TAF4B: variants seen among roughly 807,000 people sequenced by gnomAD.
The protein encoded by TAF4B is TATA-box binding protein associated factor 4b.
TAF4B carries 38 observed loss-of-function variants against 86.4 expected under a neutral mutation model. The ratio of observed to expected loss-of-function variants is 0.44; its 90% CI spans 0.34 to 0.58. The LOEUF (loss-of-function observed/expected upper bound fraction) is 0.58, where lower values mean the gene tolerates loss of function less well. TAF4B is among the 20% of genes least tolerant of loss of function. The pLI is 0.02. For synonymous variants in TAF4B, 388 were observed against 391.2 expected (o/e 0.99, Z 0.10); for missense variants, 988 against 1,027.6 (o/e 0.96, Z 0.53).
At chr18:26,228,495 ATTGTTATTCTGAG>A (rs938426183) in intron 1 of TAF4B, among the ~76,000 whole-genome samples, 21 of 152,136 alleles carry the variant, frequency 1.4e-4, no homozygotes, top group African/African-American at 4.8e-4. Flanking sequence ...GCAGTTCTAA[ATTGTTATTCTGAG>A]TTGTTATTCT....
intron 1 of TAF4B, among the ~76,000 whole-genome samples, chr18:26,259,685 G>T (rs1009600206): frequency 3.3e-5 from 5 of 152,094 alleles, no homozygotes; most frequent in Non-Finnish European, 7.3e-5. Flanking sequence ...GTCTATCATT[G>T]ATGGACATTT....
In TAF4B at chr18:26,346,881, ATATATATATATATATATATG is replaced by A. The variant is rs2057199818; in HGVS notation, c.2317-10807_2317-10788del. Among the ~76,000 whole-genome samples the A allele has an allele frequency of 2.5e-4, 2 of 8,020 alleles. 1 individual carries two copies. The highest frequency in any genetic ancestry group is 0.015 in the South Asian group (2 of 130). The allele number at this position is 8,020 out of a possible 152,430, so 5.3% of individuals were successfully genotyped here. On this transcript the variant is annotated intron_variant, in intron 13 of 14. Coordinates refer to ENST00000269142, the MANE Select transcript of TAF4B (RefSeq NM_005640.3). ...TATGTGTATATATATATATGTGTAT[ATATATATATATATATATATG>A]TGTGTGTATATATATATATATAGTT...
intron 1 of TAF4B, among the ~76,000 whole-genome samples, chr18:26,243,275 G>T (rs937036819): frequency 6.6e-6 from 1 of 152,016 alleles, no homozygotes; most frequent in African/African-American, 2.4e-5. Context: ...TGGAGGCTTT[G>T]TTTATTTTTT....
At chr18:26,351,191 A>G (rs995627678) in intron 13 of TAF4B, among the ~76,000 whole-genome samples, 1 of 152,230 alleles carries the variant, frequency 6.6e-6, no homozygotes, top group Non-Finnish European at 1.5e-5. Context: ...AGCCATAAAA[A>G]AGAATGAAAT....
At chr18:26,306,268 G>T (rs2056793805) in intron 9 of TAF4B, among the ~76,000 whole-genome samples, 1 of 152,116 alleles carries the variant, frequency 6.6e-6, no homozygotes, top group Admixed American at 6.6e-5. Flanking sequence ...TTTTGATGTG[G>T]TATGCAGTGA....
At chr18:26,282,286 A>G (rs1230767048) in intron 6 of TAF4B, among the ~76,000 whole-genome samples, 1 of 152,190 alleles carries the variant, frequency 6.6e-6, no homozygotes, top group Non-Finnish European at 1.5e-5. Flanking sequence ...TAAGTTCATT[A>G]TTATATTGTT....
At chr18:26,328,920 C>G (rs774649976) in intron 12 of TAF4B, among the ~76,000 whole-genome samples, 3 of 151,570 alleles carry the variant, frequency 2.0e-5, no homozygotes, top group Non-Finnish European at 2.9e-5. Context: ...CCAGCCTTAT[C>G]TGTACCCTTT....
intron 1 of TAF4B, among the ~76,000 whole-genome samples, chr18:26,251,204 T>G (rs2056001585): frequency 6.6e-6 from 1 of 152,192 alleles, no homozygotes; most frequent in Admixed American, 6.5e-5. Flanking sequence ...AGGAAGGACT[T>G]ATATTCGTGA....
At chr18:26,316,034 C>G (rs1350794239) in intron 10 of TAF4B, among the ~76,000 whole-genome samples, 1 of 152,080 alleles carries the variant, frequency 6.6e-6, no homozygotes, top group African/African-American at 2.4e-5. Flanking sequence ...GAAACCCTGT[C>G]TGTACTAAAA....
intron 3 of TAF4B, among the ~76,000 whole-genome samples, chr18:26,270,093 T>C (rs927433001): frequency 6.6e-6 from 1 of 152,128 alleles, no homozygotes; most frequent in East Asian, 1.9e-4. Context: ...TAAAAAAATA[T>C]ATTGTGGAGA....
chr18:26,340,404 G>T (rs1331006221), intron 13 of TAF4B, among the ~76,000 whole-genome samples: 1 of 152,184 alleles, frequency 6.6e-6, no homozygotes, highest in African/African-American at 2.4e-5. Context: ...AGGGACAAAT[G>T]AAACTTGTCA....
At chr18:26,306,342 GTAAATTTTGCTTGGCCAACCAACA>G (rs2056794442) in intron 9 of TAF4B, among the ~76,000 whole-genome samples, 1 of 152,076 alleles carries the variant, frequency 6.6e-6, no homozygotes, top group Admixed American at 6.6e-5. Flanking sequence ...CCTTAGAGAG[GTAAATTTTGCTTGGCCAACCAACA>G]TAAAGTAGCT....
chr18:26,299,061 A>G (rs1189498533), intron 9 of TAF4B, among the ~76,000 whole-genome samples: 4 of 151,186 alleles, frequency 2.6e-5, no homozygotes, highest in African/African-American at 7.3e-5. Flanking sequence ...GGGTTTCTCC[A>G]TGTTAGTCAG....
intron 1 of TAF4B, among the ~76,000 whole-genome samples, chr18:26,258,086 T>C (rs2056112083): frequency 6.6e-6 from 1 of 152,056 alleles, no homozygotes; most frequent in Non-Finnish European, 1.5e-5. Flanking sequence ...AAACACCGTC[T>C]CTACTAAAAA....
At chr18:26,379,777 G>A (rs2057465921) in intron 14 of TAF4B, among the ~76,000 whole-genome samples, 1 of 152,068 alleles carries the variant, frequency 6.6e-6, no homozygotes, top group Admixed American at 6.5e-5. Flanking sequence ...TCAATTTGCA[G>A]AGAATTTACA....
At chr18:26,320,672 TTG>T (rs1446082482) in intron 10 of TAF4B, among the ~76,000 whole-genome samples, 5 of 152,198 alleles carry the variant, frequency 3.3e-5, no homozygotes, top group African/African-American at 7.2e-5. Context: ...ATGTCATAAA[TTG>T]TTAACAGTGT....
chr18:26,346,843 G>GTATATATATA (rs1195509522), intron 13 of TAF4B, among the ~76,000 whole-genome samples: 2 of 17,232 alleles, frequency 1.2e-4, no homozygotes, highest in African/African-American at 2.9e-4. Context: ...ATATGTGTGT[G>GTATATATATA]TGTATATATA....
At chr18:26,372,451 G>T (rs1249755274) in intron 14 of TAF4B, among the ~76,000 whole-genome samples, 1 of 152,158 alleles carries the variant, frequency 6.6e-6, no homozygotes, top group Non-Finnish European at 1.5e-5. Context: ...TGCAGATATT[G>T]ATCTGGCATA....
intron 12 of TAF4B, among the ~76,000 whole-genome samples, chr18:26,328,052 T>G (rs764325420): frequency 6.6e-6 from 1 of 152,248 alleles, no homozygotes; most frequent in Non-Finnish European, 1.5e-5. Context: ...ACTGGAGTCT[T>G]AATTTTTGTT....
Sources: gnomAD v4.1 joint callset for allele counts (sites outside exome capture counted in the v4.1 genomes callset) on GRCh38, gnomAD v4.1.1 for gene constraint, MANE v1.5 for transcripts, NCBI Gene and HGNC (gene_info 2026-07-23, HGNC 2026-07-21) for gene names.